Variants in ELMOD1 observed in about 807,000 individuals in gnomAD.
ELMOD1 encodes ELMO domain containing 1.
Under a neutral mutation model 46.7 loss-of-function variants are expected in ELMOD1, and 21 were observed. The observed-to-expected ratio is 0.45, with a 90% CI of 0.32 to 0.65. The LOEUF is 0.65. Among genes scored for constraint, ELMOD1 ranks in the 30% least tolerant of loss-of-function variants. ELMOD1 has a pLI of 0.04. For synonymous variants in ELMOD1, 122 were observed against 138.2 expected (o/e 0.88, Z 0.82); for missense variants, 348 against 407.8 (o/e 0.85, Z 1.26).
Position 107,630,599 on chromosome 11 carries a change from T to C in ELMOD1, c.163+37T>C, listed in dbSNP as rs761817057. On this transcript the variant is annotated intron_variant, in intron 3 of 11. Coordinates refer to ENST00000265840, the MANE Select transcript of ELMOD1 (RefSeq NM_018712.4). The stretch of plus-strand genomic sequence containing the variant: ...ACAAAGAAGTAAGCAAAAGGTAGAG[T>C]TGGTATGATGGAAGATACGATGTTG... The C allele has an allele frequency of 5.6e-6, 9 of 1,606,456 alleles. No homozygotes were observed. In the South Asian group the frequency reaches 7.8e-5, roughly 14 times the overall value.
chr11:107,662,696 AG>A (rs1866763352), intron 11 of ELMOD1, among the ~76,000 whole-genome samples: 1 of 151,082 alleles, frequency 6.6e-6, no homozygotes, highest in Non-Finnish European at 1.5e-5. Flanking sequence ...TGGCCGAGGC[AG>A]GTGGATCACT....
intron 2 of ELMOD1, among the ~76,000 whole-genome samples, chr11:107,630,138 G>A (rs1866110542): frequency 6.6e-6 from 1 of 152,078 alleles, no homozygotes; most frequent in East Asian, 1.9e-4. Flanking sequence ...CTTCCAAGAT[G>A]GTTTTAGGCA....
At chr11:107,631,054 CA>C (rs1210991055) in intron 4 of ELMOD1, among the ~76,000 whole-genome samples, 2 of 152,120 alleles carry the variant, frequency 1.3e-5, no homozygotes, top group Non-Finnish European at 2.9e-5. Context: ...ATATCCAAAT[CA>C]TTTTTAACAT....
chr11:107,621,715 T>TCTCATGTTTGTGTCACATCACCCC (rs374327501), intron 2 of ELMOD1, among the ~76,000 whole-genome samples: 3 of 152,094 alleles, frequency 2.0e-5, no homozygotes, highest in East Asian at 1.9e-4. Context: ...CACTGTGAGG[T>TCTCATGTTTGTGTCACATCACCCC]ATTGTAGGTG....
chr11:107,620,968 A>C (rs1865937633), intron 2 of ELMOD1, among the ~76,000 whole-genome samples: 1 of 152,250 alleles, frequency 6.6e-6, no homozygotes, highest in Admixed American at 6.5e-5. Context: ...TTTAAGTCCC[A>C]GCTAGAACAA....
At chr11:107,654,276 T>C in intron 10 of ELMOD1, 54 bp downstream of exon 10, 1 of 1,443,546 alleles carries the variant, frequency 6.9e-7, no homozygotes, top group Non-Finnish European at 9.6e-7. Context: ...GAACCAGAAC[T>C]AGAACTAGAG....
chr11:107,608,042 AAAG>A (rs1411083480), intron 1 of ELMOD1, among the ~76,000 whole-genome samples: 14 of 147,090 alleles, frequency 9.5e-5, no homozygotes, highest in African/African-American at 3.8e-4. Flanking sequence ...AAGAAAAAAA[AAAG>A]AAAAAAAAAC....
intron 6 of ELMOD1, among the ~76,000 whole-genome samples, chr11:107,642,698 AC>A (rs1240932044): frequency 6.6e-6 from 1 of 152,194 alleles, no homozygotes; most frequent in Non-Finnish European, 1.5e-5. Flanking sequence ...TGAGTGCCAC[AC>A]TGGTGAATAT....
chr11:107,613,021 A>G (rs1382441209), intron 1 of ELMOD1, among the ~76,000 whole-genome samples: 1 of 151,922 alleles, frequency 6.6e-6, no homozygotes, highest in Admixed American at 6.6e-5. Context: ...TTCCCATTCA[A>G]TCAGCAAGTC....
In ELMOD1 at chr11:107,650,463, C is replaced by T. The variant is rs188228118; in HGVS notation, c.623+60C>T. 75 of 1,141,866 alleles carry T rather than the reference C, an allele frequency of 6.6e-5. No homozygotes were observed. In the East Asian group the frequency reaches 1.9e-3, roughly 29 times the overall value. The allele number at this position is 1,141,866 out of a possible 1,614,324, so 70.7% of individuals were successfully genotyped here. Reference sequence around the variant, plus strand: ...ATGGGTTAGATCAAATGAACTTCATCTCCTACATGTATCTGTTGATGAGAT... The same window carrying T: ...ATGGGTTAGATCAAATGAACTTCATTTCCTACATGTATCTGTTGATGAGAT... On this transcript the variant is annotated intron_variant, in intron 8 of 11. Coordinates refer to ENST00000265840, the MANE Select transcript of ELMOD1 (RefSeq NM_018712.4).
rs146799759 is a variant in ELMOD1 at position 107,648,495 on chromosome 11, G to A, written c.554+894G>A. Among the ~76,000 whole-genome samples, 417 of 152,334 alleles carry A rather than the reference G, an allele frequency of 2.7e-3. 3 individuals carry two copies. Among genetic ancestry groups the A allele is most frequent in the African/African-American group, 9.6e-3 (399 of 41,574 alleles). On this transcript the variant is annotated intron_variant, in intron 7 of 11. Transcript: ENST00000265840. Reference sequence around the variant, plus strand: ...GCTGCAACGAATCAGAGGGATCCCAGCCTGATGCCTCCAGTGTAAAGTCCA... The same window carrying A: ...GCTGCAACGAATCAGAGGGATCCCAACCTGATGCCTCCAGTGTAAAGTCCA...
At chr11:107,632,448 G>C (rs1157689054) in intron 5 of ELMOD1, among the ~76,000 whole-genome samples, 3 of 152,170 alleles carry the variant, frequency 2.0e-5, no homozygotes, top group Non-Finnish European at 4.4e-5. Flanking sequence ...AGGAACTGTA[G>C]CTGAAGGGAA....
At chr11:107,592,282 T>C (rs1865413243) in intron 1 of ELMOD1, 1 of 524,124 alleles carries the variant, frequency 1.9e-6, no homozygotes, top group Non-Finnish European at 3.9e-6. Flanking sequence ...CACAGTGCCC[T>C]GAGCTTTCCA....
intron 11 of ELMOD1, among the ~76,000 whole-genome samples, chr11:107,663,885 G>A (rs1181139644): frequency 6.6e-6 from 1 of 152,118 alleles, no homozygotes. Flanking sequence ...GAAAAGCAAG[G>A]ATTCAAACCA....
At chr11:107,610,453 C>T (rs902366783) in intron 1 of ELMOD1, among the ~76,000 whole-genome samples, 2 of 151,884 alleles carry the variant, frequency 1.3e-5, no homozygotes, top group African/African-American at 4.8e-5. Flanking sequence ...CACTTGAGGC[C>T]GGGAGTTCGA....
intron 11 of ELMOD1, among the ~76,000 whole-genome samples, chr11:107,656,913 A>G (rs2135715499): frequency 6.6e-6 from 1 of 152,332 alleles, no homozygotes; most frequent in East Asian, 1.9e-4. Flanking sequence ...GAAAATAAAA[A>G]AGGTTGTCAA....
intron 6 of ELMOD1, among the ~76,000 whole-genome samples, chr11:107,638,529 CT>C (rs1341684118): frequency 2.6e-5 from 4 of 152,186 alleles, no homozygotes; most frequent in Non-Finnish European, 5.9e-5. Flanking sequence ...CAAACCACAT[CT>C]TGTTCACATT....
chr11:107,631,240 C>T (rs1023292228), intron 4 of ELMOD1, among the ~76,000 whole-genome samples: 3 of 151,912 alleles, frequency 2.0e-5, no homozygotes, highest in African/African-American at 7.3e-5. Context: ...ACTCTTTAGT[C>T]ATAAACATAA....
At chr11:107,662,994 G>A (rs550919702) in intron 11 of ELMOD1, among the ~76,000 whole-genome samples, 23 of 136,462 alleles carry the variant, frequency 1.7e-4, no homozygotes, top group African/African-American at 5.7e-4. Context: ...TTTCTAAAGT[G>A]TTGAGATTAC....
Sources: gnomAD v4.1 joint callset for allele counts (sites outside exome capture counted in the v4.1 genomes callset) on GRCh38, gnomAD v4.1.1 for gene constraint, MANE v1.5 for transcripts, NCBI Gene and HGNC (gene_info 2026-07-23, HGNC 2026-07-21) for gene names.